Variants in SYNRG observed in about 807,000 individuals in gnomAD.
SYNRG encodes the protein AP1 gamma subunit binding protein 1.
A neutral mutation model predicts 130.9 loss-of-function variants in SYNRG; 37 were observed. That is an observed-to-expected ratio of 0.28 (90% CI 0.22 to 0.37). The LOEUF (loss-of-function observed/expected upper bound fraction) is 0.37. Ranked by LOEUF, SYNRG falls within the 10% of genes least tolerant of loss-of-function variation. SYNRG has a pLI of 1.00. For missense variants in SYNRG, 1,338 were observed against 1,588.9 expected (o/e 0.84, Z 2.68); for synonymous variants, 539 against 568.1 (o/e 0.95, Z 0.73).
intron 13 of SYNRG, among the ~76,000 whole-genome samples, chr17:37,559,433 T>TACA (rs2059361132): frequency 6.6e-6 from 1 of 152,202 alleles, no homozygotes; most frequent in Non-Finnish European, 1.5e-5. Context: ...CTCACGCCTG[T>TACA]AATCCCAGCA....
chr17:37,571,682 A>C (rs775411761), intron 9 of SYNRG, 109 bp downstream of exon 9: 2 of 977,260 alleles, frequency 2.0e-6, no homozygotes, highest in East Asian at 5.2e-5. Flanking sequence ...CCTGAAAATG[A>C]TCTAAATTTT....
chr17:37,553,040 A>ATG (rs1040833322), intron 14 of SYNRG, 75 bp downstream of exon 14: 2 of 1,381,464 alleles, frequency 1.4e-6, no homozygotes, highest in African/African-American at 2.9e-5. Flanking sequence ...AGCCTTACTC[A>ATG]TGTAAATCAA....
intron 3 of SYNRG, among the ~76,000 whole-genome samples, chr17:37,593,141 G>A (rs757156786): frequency 5.3e-5 from 8 of 152,180 alleles, no homozygotes; most frequent in Admixed American, 1.3e-4. Flanking sequence ...TGGCCGGCGC[G>A]ATGGCTCACA....
chr17:37,569,819 G>C (rs1004708487), intron 10 of SYNRG, among the ~76,000 whole-genome samples: 1 of 151,810 alleles, frequency 6.6e-6, no homozygotes, highest in African/African-American at 2.4e-5. Flanking sequence ...CCACACTCCA[G>C]AAGTACTGTT....
At chr17:37,606,279 G>A (rs1005862377) in intron 1 of SYNRG, among the ~76,000 whole-genome samples, 1 of 152,066 alleles carries the variant, frequency 6.6e-6, no homozygotes, top group African/African-American at 2.4e-5. Flanking sequence ...TAACTCTGTG[G>A]GCCAAATGAA....
Position 37,570,143 on chromosome 17 carries a change from CT to C in SYNRG, c.1347+493del, listed in dbSNP as rs11320959. On this transcript the variant is annotated intron_variant, in intron 10 of 21. Coordinates refer to ENST00000612223, the MANE Select transcript of SYNRG (RefSeq NM_007247.6). ...GATAGAAGATATAGACATGCTGAGGCTTTTTTTTTTTTTTTTTTTTTTAAAC... is the reference window on the plus strand; with the variant it reads ...GATAGAAGATATAGACATGCTGAGGCTTTTTTTTTTTTTTTTTTTTTAAAC... 1.7e-3 allele frequency among the ~76,000 whole-genome samples: 194 copies of C among 113,746 alleles called. 1 individual carries two copies. The highest frequency in any genetic ancestry group is 9.2e-3 in the South Asian group (31 of 3,380). 74.6% of individuals were successfully genotyped at this position (113,746 alleles called of 152,430 possible).
At position 37,539,061 on chromosome 17, in the gene SYNRG, T is replaced by A. The variant is rs17138627; in HGVS notation, c.3420+131A>T. 1,806 of 1,484,416 alleles carry A rather than the reference T, an allele frequency of 1.2e-3. 24 individuals are homozygous for A. The African/African-American group carries it at 0.022, about 18-fold the overall frequency. The allele number at this position is 1,484,416 out of a possible 1,614,324, so 92.0% of individuals were successfully genotyped here. ...CCTTAGATGCATGACTTCCACAGAG[T>A]TACTCTTTGCCCAGGGACATCCAAG... On this transcript the variant is annotated intron_variant, in intron 17 of 21. Transcript: ENST00000612223.
At chr17:37,528,602 C>A (rs901785445) in intron 19 of SYNRG, among the ~76,000 whole-genome samples, 1 of 152,140 alleles carries the variant, frequency 6.6e-6, no homozygotes, top group African/African-American at 2.4e-5. Flanking sequence ...CTCAATCATG[C>A]CTCTTTCTAA....
chr17:37,547,986 T>C (rs2058416604), intron 14 of SYNRG, among the ~76,000 whole-genome samples: 1 of 152,260 alleles, frequency 6.6e-6, no homozygotes, highest in Non-Finnish European at 1.5e-5. Flanking sequence ...CATTACATTA[T>C]ATTAAAACTA....
Position 37,553,154 on chromosome 17 carries a change from C to T in SYNRG, c.2569G>A (p.Asp857Asn). The T allele has an allele frequency of 6.2e-7, 1 of 1,613,918 alleles. No homozygotes were observed. Among genetic ancestry groups the T allele is most frequent in the Non-Finnish European group, 8.5e-7 (1 of 1,179,960 alleles). ...LKHVMSDSSL[D>N]LPTVSGQHPP... The stretch of plus-strand genomic sequence containing the variant: ...TGCTGGCCACTAACTGTTGGTAAAT[C>T]CAAAGAGCTATCAGACATGACATGC... The change falls in exon 14 of 22, where the codon GAT (aspartate) becomes AAT (asparagine). Residue 857 changes from aspartate to asparagine, a missense_variant. By Grantham distance (23) the Asp-to-Asn change is conservative (BLOSUM62 1). Around this residue, in one of 3 missense-constraint regions of SYNRG, gnomAD observed 1,146 missense variants for 1,342.3 expected, o/e 0.85. Coordinates refer to ENST00000612223, the MANE Select transcript of SYNRG (RefSeq NM_007247.6).
chr17:37,544,425 C>A (rs901434931), intron 14 of SYNRG, among the ~76,000 whole-genome samples: 1 of 152,004 alleles, frequency 6.6e-6, no homozygotes. Flanking sequence ...AGCGATTCTC[C>A]GGTCTCAGCC....
chr17:37,542,281 C>A lies in SYNRG; in HGVS notation c.2893G>T (p.Ala965Ser). The A allele has an allele frequency of 6.2e-7, 1 of 1,614,170 alleles. No homozygotes were observed. The highest frequency in any genetic ancestry group is 1.1e-5 in the South Asian group (1 of 91,074). ...TGAGGAATCGTGTCTTTAAAACTGG[C>A]AAGAGCTGGGAAGGTGGTCTCTGGA... ...ALPETTFPAL[A>S]SFKDTIPQTS... The change falls in exon 15 of 22, where the codon GCC becomes TCC. Residue 965 changes from alanine (A) to serine (S), a missense_variant. Ala to Ser is a moderately conservative substitution (Grantham distance 99). Coordinates refer to ENST00000612223, the MANE Select transcript of SYNRG (RefSeq NM_007247.6).
intron 13 of SYNRG, among the ~76,000 whole-genome samples, chr17:37,560,193 G>A (rs549854826): frequency 1.3e-5 from 2 of 152,164 alleles, no homozygotes; most frequent in African/African-American, 4.8e-5. Flanking sequence ...TTACGGGCAT[G>A]AGCCACTGTG....
chr17:37,566,395 G>T (rs2059999815), intron 11 of SYNRG, among the ~76,000 whole-genome samples: 1 of 146,476 alleles, frequency 6.8e-6, no homozygotes, highest in South Asian at 2.3e-4. Context: ...TGGATTAAGG[G>T]CGGTGCAAGA....
At chr17:37,557,645 G>C (rs1356695462) in intron 13 of SYNRG, among the ~76,000 whole-genome samples, 1 of 152,186 alleles carries the variant, frequency 6.6e-6, no homozygotes, top group Non-Finnish European at 1.5e-5. Flanking sequence ...TTGGGAGGCT[G>C]AGCTGGAAAG....
At chr17:37,606,046 T>C (rs1401457953) in intron 1 of SYNRG, 18 of 972,852 alleles carry the variant, frequency 1.9e-5, no homozygotes, top group Non-Finnish European at 2.1e-5. Context: ...GACGCACCCC[T>C]GAAGTTAAAA....
At chr17:37,571,609 A>C (rs2060439334) in intron 9 of SYNRG, among the ~76,000 whole-genome samples, 182 bp downstream of exon 9, 1 of 152,204 alleles carries the variant, frequency 6.6e-6, no homozygotes, top group Non-Finnish European at 1.5e-5. Flanking sequence ...AAAAGTCTTT[A>C]AACAAAGGAA....
intron 11 of SYNRG, among the ~76,000 whole-genome samples, chr17:37,562,896 T>C (rs2059648060): frequency 6.6e-6 from 1 of 152,198 alleles, no homozygotes; most frequent in South Asian, 2.1e-4. Context: ...ACCCTCCAGC[T>C]TTAGCTACGG....
At chr17:37,593,497 C>A (rs1568515658) in intron 3 of SYNRG, among the ~76,000 whole-genome samples, 1 of 152,104 alleles carries the variant, frequency 6.6e-6, no homozygotes, top group Non-Finnish European at 1.5e-5. Context: ...ACTAAAGGAA[C>A]AATGGGTTTG....
Sources: gnomAD v4.1 joint callset for allele counts (sites outside exome capture counted in the v4.1 genomes callset) on GRCh38, gnomAD v4.1.1 for gene constraint, gnomAD v4.1.1 regional missense constraint, MANE v1.5 for transcripts, NCBI Gene and HGNC (gene_info 2026-07-23, HGNC 2026-07-21) for gene names.